Variants in RSRC1 observed in about 807,000 individuals in gnomAD.
RSRC1 encodes serine/Arginine-related protein 53.
A neutral mutation model predicts 49.1 loss-of-function variants in RSRC1; 39 were observed. That is an observed-to-expected ratio of 0.79 (90% CI 0.61 to 1.04). The LOEUF (loss-of-function observed/expected upper bound fraction) is 1.04. Among genes scored for constraint, RSRC1 ranks in the 50% least tolerant of loss-of-function variants. RSRC1 has a pLI of 0.00. For synonymous variants in RSRC1, 143 were observed against 130.8 expected, an observed-to-expected ratio of 1.09 and a Z score of -0.63; for missense variants, 388 against 402.4, an observed-to-expected ratio of 0.96 and a Z score of 0.31.
At chr3:158,194,974 T>C (rs1559937275) in intron 3 of RSRC1, among the ~76,000 whole-genome samples, 2 of 152,272 alleles carry the variant, frequency 1.3e-5, no homozygotes, top group East Asian at 1.9e-4. Flanking sequence ...GCATGTGTCT[T>C]TATAGCAGCA....
In RSRC1 at chr3:158,453,976, T is replaced by C. The variant is rs557717956; in HGVS notation, c.584-6959T>C. ...AAATATAAACTATTCTTTTCTTTCT[T>C]TGTGAGTAACCTATTTTTTTCTCCA... On this transcript the variant is annotated intron_variant, in intron 6 of 9. Coordinates refer to ENST00000611884, the MANE Select transcript of RSRC1 (RefSeq NM_001271838.2). Among the ~76,000 whole-genome samples, 7 of 152,230 alleles carry C rather than the reference T, an allele frequency of 4.6e-5. 1 individual carries two copies. The South Asian group carries it at 1.5e-3, about 32-fold the overall frequency.
At chr3:158,171,412 A>G (rs1003916264) in intron 3 of RSRC1, among the ~76,000 whole-genome samples, 1 of 152,240 alleles carries the variant, frequency 6.6e-6, no homozygotes, top group African/African-American at 2.4e-5. Flanking sequence ...GGCAACTCCA[A>G]GATGAACTGG....
At chr3:158,168,624 G>T (rs1718677113) in intron 3 of RSRC1, among the ~76,000 whole-genome samples, 1 of 152,132 alleles carries the variant, frequency 6.6e-6, no homozygotes, top group Non-Finnish European at 1.5e-5. Context: ...GGACATAGTT[G>T]AGAAGGGTTT....
intron 5 of RSRC1, among the ~76,000 whole-genome samples, chr3:158,328,800 A>G (rs1095644): frequency 0.91 from 139,223 of 152,240 alleles, 63,793 homozygotes; most frequent in East Asian, 1. Context: ...CTAGGGTGGG[A>G]AAGTTCTCCT....
At chr3:158,506,167 A>G (rs1039233216) in intron 7 of RSRC1, among the ~76,000 whole-genome samples, 1 of 152,214 alleles carries the variant, frequency 6.6e-6, no homozygotes, top group African/African-American at 2.4e-5. Context: ...AGACAAGCTT[A>G]CAGAATGGCA....
intron 7 of RSRC1, among the ~76,000 whole-genome samples, chr3:158,524,236 G>C (rs1711870502): frequency 2.0e-5 from 3 of 152,026 alleles, no homozygotes; most frequent in Admixed American, 2.0e-4. Context: ...TTGAATTGTG[G>C]TTTAGGCTGT....
At chr3:158,316,938 G>T (rs1200126601) in intron 5 of RSRC1, among the ~76,000 whole-genome samples, 1 of 152,110 alleles carries the variant, frequency 6.6e-6, no homozygotes, top group Non-Finnish European at 1.5e-5. Context: ...ATTATTTAGT[G>T]CAAATACCTT....
chr3:158,111,110 T>A (rs1714362352), intron 1 of RSRC1, among the ~76,000 whole-genome samples: 2 of 152,250 alleles, frequency 1.3e-5, no homozygotes, highest in Non-Finnish European at 2.9e-5. Flanking sequence ...ATCTTTGAAC[T>A]TAGATGTATT....
intron 3 of RSRC1, among the ~76,000 whole-genome samples, chr3:158,182,507 T>A (rs1467918324): frequency 6.6e-6 from 1 of 152,188 alleles, no homozygotes; most frequent in Non-Finnish European, 1.5e-5. Context: ...GGAATTTTTT[T>A]AGTTCTTGGT....
In RSRC1 at chr3:158,545,475, G is replaced by A. The variant is rs56019754; in HGVS notation, c.*1200G>A. On this transcript the variant is annotated 3_prime_UTR_variant, in exon 10 of 10. Coordinates refer to ENST00000611884, the MANE Select transcript of RSRC1 (RefSeq NM_001271838.2). ...TAGTCTCTGCGAAGACTGTAGCTCA[G>A]AACAAAAGATAAGCAAAAAAAGTCT... The A allele has an allele frequency of 2.0e-5, 3 of 151,814 alleles. No homozygotes were observed. The highest frequency in any genetic ancestry group is 7.3e-5 in the African/African-American group (3 of 41,354). 9.4% of individuals were successfully genotyped at this position (151,814 alleles called of 1,614,324 possible). A position where few individuals can be genotyped will look rare whatever the true frequency, so the allele number is the denominator to read the frequency against.
chr3:158,358,905 T>C (rs1194270486), intron 6 of RSRC1, among the ~76,000 whole-genome samples: 2 of 115,766 alleles, frequency 1.7e-5, no homozygotes, highest in African/African-American at 3.6e-5. Flanking sequence ...TATGTGTGTA[T>C]ATATATATAT....
intron 6 of RSRC1, among the ~76,000 whole-genome samples, chr3:158,398,480 C>G (rs1011902515): frequency 1.1e-4 from 17 of 152,056 alleles, no homozygotes; most frequent in Non-Finnish European, 2.9e-5. Context: ...CACTGTAGCT[C>G]TTTTATGAGG....
intron 4 of RSRC1, among the ~76,000 whole-genome samples, chr3:158,242,964 G>C (rs1180086849): frequency 1.3e-5 from 2 of 151,740 alleles, no homozygotes; most frequent in Non-Finnish European, 2.9e-5. Context: ...TTGTCAGATG[G>C]GTAGATTGCA....
At chr3:158,430,790 T>C (rs1735736807) in intron 6 of RSRC1, among the ~76,000 whole-genome samples, 1 of 151,958 alleles carries the variant, frequency 6.6e-6, no homozygotes, top group South Asian at 2.1e-4. Flanking sequence ...TGGTACAGTA[T>C]ATAGTATGTG....
At chr3:158,487,076 C>T (rs2108442650) in intron 7 of RSRC1, among the ~76,000 whole-genome samples, 1 of 152,194 alleles carries the variant, frequency 6.6e-6, no homozygotes, top group East Asian at 1.9e-4. Context: ...AGGAGTCAGC[C>T]CAAGAACCTG....
chr3:158,503,478 A>G (rs1347942233), intron 7 of RSRC1, among the ~76,000 whole-genome samples: 1 of 152,102 alleles, frequency 6.6e-6, no homozygotes, highest in Non-Finnish European at 1.5e-5. Context: ...GTCTTCAGCT[A>G]CCAAAGTGGG....
intron 3 of RSRC1, among the ~76,000 whole-genome samples, chr3:158,163,897 A>G (rs1718385288): frequency 6.6e-6 from 1 of 152,136 alleles, no homozygotes; most frequent in African/African-American, 2.4e-5. Context: ...GTAGAAGAAT[A>G]AATGAATGAA....
chr3:158,425,053 G>T (rs1735328326), intron 6 of RSRC1, among the ~76,000 whole-genome samples: 2 of 150,448 alleles, frequency 1.3e-5, no homozygotes, highest in Non-Finnish European at 3.0e-5. Flanking sequence ...TTAATTTTTT[G>T]AAGGGTTTTT....
At chr3:158,249,610 T>C (rs1279518128) in intron 4 of RSRC1, among the ~76,000 whole-genome samples, 1 of 152,172 alleles carries the variant, frequency 6.6e-6, no homozygotes, top group Non-Finnish European at 1.5e-5. Context: ...ACGTATTCTT[T>C]CATTTCTTTT....
Sources: allele counts gnomAD v4.1 joint callset (sites outside exome capture counted in the v4.1 genomes callset), GRCh38; gene constraint gnomAD v4.1.1; transcripts MANE v1.5; gene names NCBI Gene and HGNC (gene_info 2026-07-23, HGNC 2026-07-21).